TAF4B: variants seen among roughly 807,000 people sequenced by gnomAD.
The protein encoded by TAF4B is transcription initiation factor TFIID subunit 4B.
A neutral mutation model predicts 86.4 loss-of-function variants in TAF4B; 38 were observed. The ratio of observed to expected loss-of-function variants is 0.44; its 90% CI spans 0.34 to 0.58. The LOEUF is 0.58. Among genes scored for constraint, TAF4B ranks in the 20% least tolerant of loss-of-function variants. TAF4B has a pLI of 0.02. For synonymous variants in TAF4B, 388 were observed against 391.2 expected (o/e 0.99, Z 0.10); for missense variants, 988 against 1,027.6 (o/e 0.96, Z 0.53).
At chr18:26,336,363 A>G (rs1235839737) in intron 13 of TAF4B, among the ~76,000 whole-genome samples, 1 of 152,126 alleles carries the variant, frequency 6.6e-6, no homozygotes. Flanking sequence ...TTATTTATGA[A>G]CGTTTTAAAG....
chr18:26,315,159 TCTCA>T lies in TAF4B; in HGVS notation c.1833-68_1833-65del, dbSNP rs1328153268. On this transcript the variant is annotated intron_variant, in intron 9 of 14. Coordinates refer to ENST00000269142, the MANE Select transcript of TAF4B (RefSeq NM_005640.3). ...CTCTCTCTCTCTGTCTCTCTCTCTCTCTCACACACACACACACACACACACACAC... is the reference window on the plus strand; with the variant it reads ...CTCTCTCTCTCTGTCTCTCTCTCTCTCACACACACACACACACACACACAC... 2,727 of 300,098 alleles carry T rather than the reference TCTCA, an allele frequency of 9.1e-3. 60 individuals are homozygous for T. The highest frequency in any genetic ancestry group is 0.011 in the Middle Eastern group (10 of 904). The allele number at this position is 300,098 out of a possible 1,614,324, so 18.6% of individuals were successfully genotyped here. A position where few individuals can be genotyped will look rare whatever the true frequency, so the allele number is the denominator to read the frequency against.
At chr18:26,361,016 A>G (rs1161583211) in intron 14 of TAF4B, among the ~76,000 whole-genome samples, 1 of 152,108 alleles carries the variant, frequency 6.6e-6, no homozygotes, top group Non-Finnish European at 1.5e-5. Context: ...GCACTGCAGG[A>G]CTGCCCAATA....
chr18:26,303,468 C>T (rs1175271208), intron 9 of TAF4B, among the ~76,000 whole-genome samples: 11 of 47,834 alleles, frequency 2.3e-4, no homozygotes, highest in African/African-American at 8.5e-4. Flanking sequence ...ACTTTCATAC[C>T]CCCTCCACTT....
intron 5 of TAF4B, among the ~76,000 whole-genome samples, chr18:26,281,228 C>T (rs969883605): frequency 6.6e-6 from 1 of 152,002 alleles, no homozygotes; most frequent in South Asian, 2.1e-4. Flanking sequence ...ATCTGTACCC[C>T]AAACTTGTAC....
intron 13 of TAF4B, among the ~76,000 whole-genome samples, chr18:26,346,851 ATATATATG>A (rs2057196451): frequency 5.4e-5 from 1 of 18,654 alleles, no homozygotes; most frequent in Non-Finnish European, 1.1e-4. Flanking sequence ...GTGTGTATAT[ATATATATG>A]TGTATATATA....
intron 14 of TAF4B, among the ~76,000 whole-genome samples, chr18:26,374,439 T>G (rs2057429121): frequency 6.6e-6 from 1 of 152,212 alleles, no homozygotes; most frequent in Admixed American, 6.5e-5. Context: ...TCCATAATGT[T>G]GTACCTGTCT....
intron 1 of TAF4B, among the ~76,000 whole-genome samples, chr18:26,257,045 A>G (rs2056095667): frequency 6.6e-6 from 1 of 152,198 alleles, no homozygotes; most frequent in Non-Finnish European, 1.5e-5. Context: ...AATGTTTCGC[A>G]TACACTTAAG....
chr18:26,239,975 G>C (rs557977168), intron 1 of TAF4B, among the ~76,000 whole-genome samples: 10 of 152,288 alleles, frequency 6.6e-5, no homozygotes, highest in African/African-American at 2.4e-4. Context: ...GTACCATGCT[G>C]TTTTGGTTAC....
chr18:26,242,497 C>T (rs2055855277), intron 1 of TAF4B, among the ~76,000 whole-genome samples: 1 of 152,074 alleles, frequency 6.6e-6, no homozygotes, highest in African/African-American at 2.4e-5. Flanking sequence ...TGAGATGGGT[C>T]TCCTGAATAC....
chr18:26,227,412 C>A (rs768655611), intron 1 of TAF4B, 136 bp downstream of exon 1: 14 of 752,876 alleles, frequency 1.9e-5, no homozygotes, highest in African/African-American at 3.7e-5. Context: ...TTAACATATT[C>A]TTTTTGTGTC....
At chr18:26,295,861 A>G (rs2056656140) in intron 9 of TAF4B, among the ~76,000 whole-genome samples, 1 of 151,982 alleles carries the variant, frequency 6.6e-6, no homozygotes, top group African/African-American at 2.4e-5. Context: ...TTGCCCTAGA[A>G]TATGTTGTAA....
chr18:26,303,075 AC>A (rs2056755353), intron 9 of TAF4B, among the ~76,000 whole-genome samples: 1 of 23,114 alleles, frequency 4.3e-5, no homozygotes, highest in Non-Finnish European at 8.6e-5. Context: ...CCACTTTCAT[AC>A]CCCCTCCACT....
At chr18:26,288,514 A>C (rs2056554482) in intron 7 of TAF4B, among the ~76,000 whole-genome samples, 1 of 152,162 alleles carries the variant, frequency 6.6e-6, no homozygotes, top group African/African-American at 2.4e-5. Flanking sequence ...GGGCACCTGT[A>C]ATCCCAGCTA....
At chr18:26,280,203 G>A (rs1050047306) in intron 5 of TAF4B, among the ~76,000 whole-genome samples, 2 of 152,100 alleles carry the variant, frequency 1.3e-5, no homozygotes, top group Admixed American at 6.6e-5. Flanking sequence ...ACCTCAAACT[G>A]TAAAAGTCCT....
rs763551446 is a variant in TAF4B, at chr18:26,292,300, T to G, written c.1645T>G (p.Ser549Ala). Residue 549 changes from serine to alanine, a missense_variant, in exon 8 of 15, where the codon TCC becomes GCC. Physicochemically the swap from Ser to Ala is moderately conservative, Grantham distance 99 (BLOSUM62 1). Transcript: ENST00000269142. ...NEKQVTTISH[S>A]STLTIQKCGQ... ...AAAACAAGTGACCACAATTTCACAT[T>G]CCTCAACATTGACCATTCAGAAATG... 1 of 1,614,146 alleles carries G rather than the reference T, an allele frequency of 6.2e-7. No individual in the cohort carries two copies.
At chr18:26,328,710 C>G (rs191847419) in intron 12 of TAF4B, among the ~76,000 whole-genome samples, 361 of 152,176 alleles carry the variant, frequency 2.4e-3, no homozygotes, top group Non-Finnish European at 3.7e-3. Context: ...ACCTCTGCCT[C>G]CCAGGTTCCA....
intron 14 of TAF4B, among the ~76,000 whole-genome samples, chr18:26,368,523 C>T (rs146557439): frequency 1.3e-5 from 2 of 152,230 alleles, no homozygotes; most frequent in East Asian, 3.9e-4. Flanking sequence ...CCCTCTTTAC[C>T]TCCATTCTCT....
chr18:26,299,927 T>C (rs181634998), intron 9 of TAF4B, among the ~76,000 whole-genome samples: 2 of 152,288 alleles, frequency 1.3e-5, no homozygotes, highest in East Asian at 3.9e-4. Flanking sequence ...GAAATTAATT[T>C]TATTTCTTTA....
intron 1 of TAF4B, among the ~76,000 whole-genome samples, chr18:26,251,268 A>G (rs967749130): frequency 2.0e-5 from 3 of 152,172 alleles, no homozygotes; most frequent in Admixed American, 6.5e-5. Flanking sequence ...ACCCTGGACT[A>G]TTTGAAAAGA....
Sources: gnomAD v4.1 joint callset for allele counts (sites outside exome capture counted in the v4.1 genomes callset) on GRCh38, gnomAD v4.1.1 for gene constraint, MANE v1.5 for transcripts, NCBI Gene and HGNC (gene_info 2026-07-23, HGNC 2026-07-21) for gene names.